ENOX2: variants seen among roughly 807,000 people sequenced by gnomAD.
ENOX2 encodes ecto-NOX disulfide-thiol exchanger 2.
Under a neutral mutation model 45.0 loss-of-function variants are expected in ENOX2, and 36 were observed. The observed-to-expected ratio is 0.80, with a 90% confidence interval of 0.61 to 1.06. The LOEUF (loss-of-function observed/expected upper bound fraction) is 1.06, where lower values mean the gene tolerates loss of function less well. Ranked by LOEUF, ENOX2 falls within the 50% of genes least tolerant of loss-of-function variation. ENOX2 has a pLI of 0.00. For synonymous variants in ENOX2, 174 were observed against 152.3 expected (o/e 1.14, Z -1.05); for missense variants, 423 against 462.5 (o/e 0.91, Z 0.78).
chrX:130,631,060 T>G (rs950744082), intron 13 of ENOX2, among the ~76,000 whole-genome samples: 1 of 111,438 alleles, frequency 9.0e-6, no homozygotes, highest in Non-Finnish European at 1.9e-5. Context: ...CTGGAAAAAC[T>G]TGAGAGGCCT....
chrX:130,643,864 A>G (rs2036153335), intron 10 of ENOX2, among the ~76,000 whole-genome samples: 1 of 112,078 alleles, frequency 8.9e-6, no homozygotes, highest in Non-Finnish European at 1.9e-5. Flanking sequence ...AGACTATTTC[A>G]TCTAATAAAA....
At chrX:130,668,748 ACAAG>A (rs1192270323) in intron 7 of ENOX2, among the ~76,000 whole-genome samples, 1 of 112,257 alleles carries the variant, frequency 8.9e-6, no homozygotes, top group East Asian at 2.8e-4. Flanking sequence ...CAGACATATA[ACAAG>A]CAGTCAGCCT....
rs894201580 is a variant in ENOX2 at position 130,794,003 on chromosome X, T to C, written c.-182-10313A>G. Among the ~76,000 whole-genome samples, 7 of 112,226 alleles carry C rather than the reference T, an allele frequency of 6.2e-5. No homozygotes were observed. The East Asian group carries it at 2.0e-3, about 32-fold the overall frequency. ...ACTGAGAAGAGAAAGCCTTATTTTG[T>C]TGTAGTTTAGCCCTGGGAACAGTTA... is the stretch of plus-strand genomic sequence containing the variant. On this transcript the variant is annotated intron_variant, in intron 2 of 14. Transcript: ENST00000394363.
chrX:130,788,191 T>C (rs765072407), intron 2 of ENOX2, among the ~76,000 whole-genome samples: 1 of 112,432 alleles, frequency 8.9e-6, no homozygotes, highest in South Asian at 3.7e-4. Flanking sequence ...ACCACCACTT[T>C]AATTCCAAGA....
At chrX:130,741,701 G>A (rs891375630) in intron 3 of ENOX2, among the ~76,000 whole-genome samples, 11 of 111,268 alleles carry the variant, frequency 9.9e-5, no homozygotes, top group Non-Finnish European at 1.5e-4. Flanking sequence ...TGAATGTGGC[G>A]CATGCTTTCA....
chrX:130,895,347 C>T (rs895144340), intron 2 of ENOX2, among the ~76,000 whole-genome samples: 1 of 111,338 alleles, frequency 9.0e-6, no homozygotes, highest in Non-Finnish European at 1.9e-5. Flanking sequence ...TAGGAGGACA[C>T]CTTATGGGGG....
At chrX:130,770,307 A>T (rs941516543) in intron 3 of ENOX2, among the ~76,000 whole-genome samples, 1 of 111,831 alleles carries the variant, frequency 8.9e-6, no homozygotes, top group African/African-American at 3.2e-5. Flanking sequence ...ACGTAATTTG[A>T]CATACGCACT....
In ENOX2 at chrX:130,757,306, T is replaced by C. The variant is rs187585080; in HGVS notation, c.-39+26241A>G. On this transcript the variant is annotated intron_variant, in intron 3 of 14. Transcript: ENST00000394363. ...TGCACAATGCATTTTGTCCAAGCTGTACTGGTGAAAGAATAAGGTCATGTA... is the reference window on the plus strand; with the variant it reads ...TGCACAATGCATTTTGTCCAAGCTGCACTGGTGAAAGAATAAGGTCATGTA... Among the ~76,000 whole-genome samples the C allele has an allele frequency of 1.8e-3, 203 of 112,119 alleles. 1 individual carries two copies. The highest frequency in any genetic ancestry group is 6.1e-3 in the African/African-American group (188 of 30,879).
intron 5 of ENOX2, among the ~76,000 whole-genome samples, chrX:130,682,702 C>G (rs1352478242): frequency 9.3e-6 from 1 of 107,143 alleles, no homozygotes; most frequent in African/African-American, 3.5e-5. Flanking sequence ...ATAAAAGCCA[C>G]TAAGAGTAAT....
At chrX:130,674,729 T>C (rs1305954329) in intron 6 of ENOX2, among the ~76,000 whole-genome samples, 1 of 106,662 alleles carries the variant, frequency 9.4e-6, no homozygotes, top group East Asian at 2.9e-4. Context: ...TAACTCGTCA[T>C]CTAGCATTAG....
At chrX:130,869,015 G>A (rs2078531705) in intron 2 of ENOX2, among the ~76,000 whole-genome samples, 1 of 111,868 alleles carries the variant, frequency 8.9e-6, no homozygotes, top group Admixed American at 9.5e-5. Flanking sequence ...GAGAATGTAT[G>A]TTCCATGTAA....
chrX:130,663,715 AACTT>A (rs2036759770), intron 9 of ENOX2, among the ~76,000 whole-genome samples: 1 of 110,766 alleles, frequency 9.0e-6, no homozygotes, highest in African/African-American at 3.3e-5. Context: ...GGAAGGTAGA[AACTT>A]AATGCCTATT....
At chrX:130,682,583 CAA>C (rs55875735) in intron 5 of ENOX2, among the ~76,000 whole-genome samples, 45 of 14,635 alleles carry the variant, frequency 3.1e-3, no homozygotes, top group African/African-American at 9.0e-3. Flanking sequence ...GACTCCGTCT[CAA>C]AAAAAAAAAA....
At chrX:130,676,671 G>A (rs913070574) in intron 6 of ENOX2, among the ~76,000 whole-genome samples, 1 of 111,111 alleles carries the variant, frequency 9.0e-6, no homozygotes, top group Non-Finnish European at 1.9e-5. Flanking sequence ...CGAATTTTTG[G>A]TAATTAGATT....
rs996726896 is a variant in ENOX2, at chrX:130,625,094, G to C, written c.*220C>G. On this transcript the variant is annotated 3_prime_UTR_variant, in exon 15 of 15. Transcript: ENST00000394363. Reference sequence around the variant, plus strand: ...AAAGACAACCAATTGACAGAAAGGGGAGGAAGTTACAGCACTTGTGGTTTG... The same window carrying C: ...AAAGACAACCAATTGACAGAAAGGGCAGGAAGTTACAGCACTTGTGGTTTG... 1 of 364,913 alleles carries C rather than the reference G, an allele frequency of 2.7e-6. No individual in the cohort carries two copies. The highest frequency in any genetic ancestry group is 4.8e-6 in the Non-Finnish European group (1 of 210,204). 30.1% of individuals were successfully genotyped at this position (364,913 alleles called of 1,213,427 possible). A position where few individuals can be genotyped will look rare whatever the true frequency, so the allele number is the denominator to read the frequency against.
chrX:130,813,842 C>A (rs934696529), intron 2 of ENOX2, among the ~76,000 whole-genome samples: 9 of 112,076 alleles, frequency 8.0e-5, no homozygotes, highest in Non-Finnish European at 1.1e-4. Flanking sequence ...AGACACCGAA[C>A]TAGCTGCAGT....
chrX:130,881,452 T>C (rs1468101633), intron 2 of ENOX2, among the ~76,000 whole-genome samples: 1 of 112,442 alleles, frequency 8.9e-6, no homozygotes, highest in Non-Finnish European at 1.9e-5. Context: ...TCTGGGGAGT[T>C]TGCTAAATGC....
At chrX:130,702,993 C>A in intron 4 of ENOX2, 127 bp downstream of exon 4, 1 of 725,662 alleles carries the variant, frequency 1.4e-6, no homozygotes, top group Non-Finnish European at 2.0e-6. Flanking sequence ...GCTCATATTA[C>A]AAAAATGCAC....
chrX:130,728,844 A>G (rs1439701055), intron 3 of ENOX2, among the ~76,000 whole-genome samples: 2 of 111,706 alleles, frequency 1.8e-5, no homozygotes, highest in African/African-American at 6.5e-5. Context: ...TTCAGGAGGT[A>G]AAAGATGACT....
Sources: gnomAD v4.1 joint callset for allele counts (sites outside exome capture counted in the v4.1 genomes callset) on GRCh38, gnomAD v4.1.1 for gene constraint, MANE v1.5 for transcripts, NCBI Gene and HGNC (gene_info 2026-07-23, HGNC 2026-07-21) for gene names.